EMC8: variants seen among roughly 807,000 people sequenced by gnomAD.
EMC8 encodes the protein ER membrane protein complex subunit 8.
A neutral mutation model predicts 24.3 loss-of-function variants in EMC8; 11 were observed. The observed-to-expected ratio is 0.45, with a 90% CI of 0.28 to 0.75. EMC8 has a LOEUF of 0.75. EMC8 is among the 30% of genes least tolerant of loss of function. EMC8 has a pLI of 0.12. For missense variants in EMC8, 277 were observed against 282.7 expected, an observed-to-expected ratio of 0.98 and a Z score of 0.14; for synonymous variants, 145 against 117.7, an observed-to-expected ratio of 1.23 and a Z score of -1.50.
intron 1 of EMC8, among the ~76,000 whole-genome samples, chr16:85,795,503 T>G (rs1270861670): frequency 6.6e-6 from 1 of 151,890 alleles, no homozygotes; most frequent in Admixed American, 6.6e-5. Flanking sequence ...CTGCCCTCCT[T>G]CCACTCCACT....
intron 1 of EMC8, among the ~76,000 whole-genome samples, chr16:85,795,579 G>A (rs967125094): frequency 5.9e-5 from 9 of 152,098 alleles, no homozygotes; most frequent in South Asian, 2.1e-4. Context: ...CCTAGACCTC[G>A]GGGGAAGGAA....
chr16:85,794,678 G>C (rs1159947869), intron 1 of EMC8, among the ~76,000 whole-genome samples: 6 of 152,204 alleles, frequency 3.9e-5, no homozygotes, highest in Admixed American at 3.9e-4. Flanking sequence ...GACAGAGTGA[G>C]ACTCCATCTC....
At chr16:85,787,984 G>T (rs987114469) in intron 2 of EMC8, among the ~76,000 whole-genome samples, 6 of 152,148 alleles carry the variant, frequency 3.9e-5, no homozygotes, top group African/African-American at 1.2e-4. Flanking sequence ...TGAGCAAGTG[G>T]ACCCAACGGC....
chr16:85,782,410 T>G (rs1182384108), intron 2 of EMC8, among the ~76,000 whole-genome samples: 1 of 152,202 alleles, frequency 6.6e-6, no homozygotes, highest in African/African-American at 2.4e-5. Flanking sequence ...TCCTGCACCA[T>G]GTCTCCAAAC....
Position 85,780,036 on chromosome 16 carries a change from G to A in EMC8, c.474-169C>T, listed in dbSNP as rs191969135. ...ATGAAGAGGTATACAGAGCATAGAA[G>A]ACATGGTTAATACATGGAAGGGACG... is the stretch of plus-strand genomic sequence containing the variant. On this transcript the variant is annotated intron_variant, in intron 4 of 4. Transcript: ENST00000253457. The A allele has an allele frequency of 7.9e-4, 497 of 625,306 alleles. 2 individuals are homozygous for A. The highest frequency in any genetic ancestry group is 7.9e-3 in the African/African-American group (433 of 54,532). The allele number at this position is 625,306 out of a possible 1,614,324, so 38.7% of individuals were successfully genotyped here.
At chr16:85,785,698 A>G (rs1904723357) in intron 2 of EMC8, among the ~76,000 whole-genome samples, 1 of 152,244 alleles carries the variant, frequency 6.6e-6, no homozygotes, top group Admixed American at 6.5e-5. Context: ...TTGATCCTGA[A>G]TGAAGACTGC....
chr16:85,780,676 T>C (rs564676639), intron 3 of EMC8: 19 of 583,776 alleles, frequency 3.3e-5, no homozygotes, highest in African/African-American at 2.8e-4. Context: ...AGTCCTTCAT[T>C]GTTTTTTCAC....
chr16:85,785,679 C>A (rs150975906), intron 2 of EMC8, among the ~76,000 whole-genome samples: 1 of 152,246 alleles, frequency 6.6e-6, no homozygotes, highest in African/African-American at 2.4e-5. Flanking sequence ...ATCTCCAATA[C>A]TGATCCACTT....
Position 85,799,343 on chromosome 16 carries a change from T to C in EMC8, c.-48A>G. 2.4e-6 allele frequency: 3 copies of C among 1,251,712 alleles called. No homozygotes were observed. Among genetic ancestry groups the C allele is most frequent in the Non-Finnish European group, 1.1e-6 (1 of 932,680 alleles). The allele number at this position is 1,251,712 out of a possible 1,614,324, so 77.5% of individuals were successfully genotyped here. A position where few individuals can be genotyped will look rare whatever the true frequency, so the allele number is the denominator to read the frequency against. ...GGCCCCTGGGCGCGCGGCTGAGGCCTGGACCCGCTGCCTGGCCGCGCGGCG... is the reference window on the plus strand; with the variant it reads ...GGCCCCTGGGCGCGCGGCTGAGGCCCGGACCCGCTGCCTGGCCGCGCGGCG... On this transcript the variant is annotated 5_prime_UTR_variant, in exon 1 of 5. Transcript: ENST00000253457. This position sits in a 1 kb window ranked among gnomAD's most constrained non-coding sequence, Gnocchi z 4.2.
At chr16:85,790,164 G>A (rs1489619611) in intron 1 of EMC8, among the ~76,000 whole-genome samples, 1 of 146,062 alleles carries the variant, frequency 6.8e-6, no homozygotes, top group Non-Finnish European at 1.5e-5. Flanking sequence ...TTTTTTTTTT[G>A]TAGGGAATAA....
At chr16:85,796,255 C>A (rs1028943623) in intron 1 of EMC8, among the ~76,000 whole-genome samples, 3 of 152,156 alleles carry the variant, frequency 2.0e-5, no homozygotes, top group Admixed American at 2.0e-4. Flanking sequence ...ACAAATGGCA[C>A]CAGTGCACCA....
intron 2 of EMC8, among the ~76,000 whole-genome samples, chr16:85,785,834 G>A (rs1197864079): frequency 3.3e-5 from 5 of 152,246 alleles, no homozygotes; most frequent in South Asian, 2.1e-4. Flanking sequence ...TCGGGCCAGC[G>A]TGTAGGTGCC....
intron 2 of EMC8, among the ~76,000 whole-genome samples, chr16:85,785,764 C>G (rs909820892): frequency 1.3e-5 from 2 of 152,124 alleles, no homozygotes; most frequent in Non-Finnish European, 2.9e-5. Flanking sequence ...AGCCAGCTGC[C>G]AACTGAAACT....
chr16:85,781,169 G>A, intron 3 of EMC8, 42 bp downstream of exon 3: 2 of 1,461,816 alleles, frequency 1.4e-6, no homozygotes, highest in Non-Finnish European at 1.9e-6. Context: ...TTGGTGAGAG[G>A]AGGCGCAAGG....
chr16:85,799,166 G>C lies in EMC8; in HGVS notation c.130C>G (p.Leu44Val), dbSNP rs770904356. The C allele has an allele frequency of 6.2e-7, 1 of 1,610,608 alleles. No individual in the cohort carries two copies. The highest frequency in any genetic ancestry group is 1.7e-5 in the Admixed American group (1 of 59,688). The change falls in exon 1 of 5, where the codon CTG (leucine) becomes GTG (valine). Residue 44 changes from leucine (L) to valine (V), a missense_variant. Coordinates refer to ENST00000253457, the MANE Select transcript of EMC8 (RefSeq NM_006067.5). The surrounding 1 kb of genome is among the most constrained non-coding windows in gnomAD (Gnocchi z 4.2). ...GTGTGGTGGGCGCCGGGGCCGCCCA[G>C]GGGGAGGTGCTCCTTACGCGGCTTC... ...KQKPRKEHLPLGGPGAHHTLF... is the reference protein window; with the variant it reads ...KQKPRKEHLPVGGPGAHHTLF...
intron 2 of EMC8, among the ~76,000 whole-genome samples, chr16:85,782,382 G>C (rs1257058580): frequency 2.0e-5 from 3 of 152,130 alleles, no homozygotes; most frequent in African/African-American, 7.2e-5. Context: ...GCTAATAATA[G>C]AGCAGCTCCT....
chr16:85,791,113 C>A (rs1016943592), intron 1 of EMC8, among the ~76,000 whole-genome samples: 6 of 131,676 alleles, frequency 4.6e-5, no homozygotes, highest in African/African-American at 1.6e-4. Context: ...CAGGCACAAG[C>A]CACCATGCCC....
intron 1 of EMC8, among the ~76,000 whole-genome samples, chr16:85,793,695 G>C (rs1005077123): frequency 3.3e-5 from 5 of 152,216 alleles, no homozygotes; most frequent in African/African-American, 1.2e-4. Flanking sequence ...TGAGGCCAGT[G>C]AGCAAGCCAG....
At chr16:85,780,871 T>C (rs1162025526) in intron 3 of EMC8, 1 of 448,426 alleles carries the variant, frequency 2.2e-6, no homozygotes, top group Non-Finnish European at 4.1e-6. Context: ...ACCAGAATCA[T>C]CTAGAAGGTG....
Sources: allele counts gnomAD v4.1 joint callset (sites outside exome capture counted in the v4.1 genomes callset), GRCh38; gene constraint gnomAD v4.1.1; non-coding constraint Gnocchi (gnomAD v3.1); transcripts MANE v1.5; gene names NCBI Gene and HGNC (gene_info 2026-07-23, HGNC 2026-07-21).